The following NRDE2 variants were observed in gnomAD, a reference collection of about 807,000 sequenced individuals.
The protein encoded by NRDE2 is nuclear exosome regulator NRDE2.
A neutral mutation model predicts 124.2 loss-of-function variants in NRDE2; 76 were observed. The ratio of observed to expected loss-of-function variants is 0.61; its 90% CI spans 0.51 to 0.74. The LOEUF is 0.74. Among genes scored for constraint, NRDE2 ranks in the 30% least tolerant of loss-of-function variants. The pLI is 0.00. For missense variants in NRDE2, 1,314 were observed against 1,417.3 expected (o/e 0.93, Z 1.17); for synonymous variants, 489 against 528.1 (o/e 0.93, Z 1.01).
Position 90,288,897 on chromosome 14 carries a change from G to C in NRDE2, c.2478C>G (p.Leu826=), listed in dbSNP as rs1052101167. 1 of 1,613,956 alleles carries C rather than the reference G, an allele frequency of 6.2e-7. No individual in the cohort carries two copies. The highest frequency in any genetic ancestry group is 1.3e-5 in the African/African-American group (1 of 74,942). Residue 826 remains leucine (L), a synonymous_variant, in exon 11 of 14, where the codon CTC becomes CTG. Coordinates refer to ENST00000354366, the MANE Select transcript of NRDE2 (RefSeq NM_017970.4). ...KDSDLCELSL[L]YAELEVELSP... ...ACAGCTCCACCTCCAGCTCAGCATA[G>C]AGCAGACTGAGCTCACAGAGGTCAG... is the stretch of plus-strand genomic sequence containing the variant.
In NRDE2 at chr14:90,288,651, T is replaced by C; in HGVS notation, c.2724A>G (p.Lys908=). The C allele has an allele frequency of 6.2e-7, 1 of 1,614,150 alleles. No individual in the cohort carries two copies. The change falls in exon 11 of 14, where the codon AAA becomes AAG. Residue 908 remains lysine (K), a synonymous_variant. Transcript: ENST00000354366. ...TCAAATACTGGAAGAGCATGAAGCA[T>C]TTAGCCAGGCTAATTAGGCGGCTAC... ...DSCSRLISLA[K]CFMLFQYLTI...
rs1267652275 is a variant in NRDE2, at chr14:90,271,814, T to C, written c.*6522A>G. 1 of 153,276 alleles carries C rather than the reference T, an allele frequency of 6.5e-6. No homozygotes were observed. Among genetic ancestry groups the C allele is most frequent in the Non-Finnish European group, 1.5e-5 (1 of 68,790 alleles). 9.5% of individuals were successfully genotyped at this position (153,276 alleles called of 1,614,324 possible). On this transcript the variant is annotated 3_prime_UTR_variant, in exon 14 of 14. Transcript: ENST00000354366. ...TTCAGAAAATAGGATGCTTAAAACA[T>C]TTTTTTTAAAAATCAAATCTTTCCC...
rs746645768 is a variant in NRDE2, at chr14:90,275,379, C to T, written c.*2957G>A. 6.6e-6 allele frequency: 1 copy of T among 152,098 alleles called. No homozygotes were observed. The highest frequency in any genetic ancestry group is 2.4e-5 in the African/African-American group (1 of 41,416). 9.4% of individuals were successfully genotyped at this position (152,098 alleles called of 1,614,324 possible). ...GTTCAGGAAACAAAATTCTTTGTAA[C>T]GCACTTGCATCTTTTCCTAAGTTTG... On this transcript the variant is annotated 3_prime_UTR_variant, in exon 14 of 14. Coordinates refer to ENST00000354366, the MANE Select transcript of NRDE2 (RefSeq NM_017970.4).
chr14:90,316,578 T>G lies in NRDE2; in HGVS notation c.407A>C (p.Asn136Thr), dbSNP rs1469874980. The change falls in exon 3 of 14, where the codon AAT (asparagine) becomes ACT (threonine). Residue 136 changes from asparagine (N) to threonine (T), a missense_variant and splice_region_variant. By Grantham distance (65) the Asn-to-Thr change is moderately conservative. Transcript: ENST00000354366. ...GGSKKESEEPNQGNNAAADTG... is the reference protein window; with the variant it reads ...GGSKKESEEPTQGNNAAADTG... ...TAGGTGCTTGAGAACAGCAACCTAC[T>G]TCGGTTCCTCAGATTCCTTTTTACT... 1 of 1,604,684 alleles carries G rather than the reference T, an allele frequency of 6.2e-7. No homozygotes were observed. Among genetic ancestry groups the G allele is most frequent in the South Asian group, 1.1e-5 (1 of 89,766 alleles).
chr14:90,310,303 C>T (rs1201655300), intron 4 of NRDE2, among the ~76,000 whole-genome samples: 1 of 152,160 alleles, frequency 6.6e-6, no homozygotes, highest in Non-Finnish European at 1.5e-5. Context: ...GTCAAAGACA[C>T]GCGGGTTCAA....
At chr14:90,315,404 A>G (rs1464139527) in intron 3 of NRDE2, among the ~76,000 whole-genome samples, 1 of 152,052 alleles carries the variant, frequency 6.6e-6, no homozygotes, top group Non-Finnish European at 1.5e-5. Flanking sequence ...AAGAGTTGCA[A>G]AAACCTCAAC....
chr14:90,289,250 T>A, intron 10 of NRDE2, 105 bp from the exon 11 acceptor site: 1 of 889,468 alleles, frequency 1.1e-6, no homozygotes, highest in Non-Finnish European at 1.8e-6. Flanking sequence ...CTACGCTTCC[T>A]CCCTTTATCA....
At chr14:90,320,364 C>T (rs1009715660) in intron 1 of NRDE2, among the ~76,000 whole-genome samples, 39 of 152,298 alleles carry the variant, frequency 2.6e-4, no homozygotes, top group African/African-American at 9.1e-4. Context: ...GGGGGAAGAG[C>T]CCCTTATAAA....
At chr14:90,327,456 G>A (rs1176026071) in intron 1 of NRDE2, among the ~76,000 whole-genome samples, 2 of 152,128 alleles carry the variant, frequency 1.3e-5, no homozygotes, top group Non-Finnish European at 2.9e-5. Flanking sequence ...GGCTGAGACA[G>A]GCGGACTGCT....
chr14:90,325,459 G>A (rs1487962319), intron 1 of NRDE2, among the ~76,000 whole-genome samples: 1 of 152,162 alleles, frequency 6.6e-6, no homozygotes, highest in African/African-American at 2.4e-5. Context: ...CTGAAAGAAT[G>A]AATTTTACTA....
rs1176793346 is a variant in NRDE2, at chr14:90,274,100, G to C, written c.*4236C>G. On this transcript the variant is annotated 3_prime_UTR_variant, in exon 14 of 14. Coordinates refer to ENST00000354366, the MANE Select transcript of NRDE2 (RefSeq NM_017970.4). ...CCTACCACAGAGGACATCCACACGT[G>C]GGGGTGGCCCAGTGCAGGGTAAGGA... 3 of 149,504 alleles carry C rather than the reference G, an allele frequency of 2.0e-5. No homozygotes were observed. The highest frequency in any genetic ancestry group is 1.0e-3 in the Middle Eastern group (2 of 1,952). 9.3% of individuals were successfully genotyped at this position (149,504 alleles called of 1,614,324 possible).
chr14:90,281,046 C>G (rs1875812378), intron 12 of NRDE2: 1 of 152,168 alleles, frequency 6.6e-6, no homozygotes, highest in African/African-American at 2.4e-5. Flanking sequence ...CAGAGGGAAG[C>G]AGGAATGGAG....
chr14:90,319,980 T>C (rs1435989581), intron 1 of NRDE2, among the ~76,000 whole-genome samples: 1 of 152,236 alleles, frequency 6.6e-6, no homozygotes, highest in Non-Finnish European at 1.5e-5. Context: ...ATATCCTTTT[T>C]TGTCATATTA....
intron 1 of NRDE2, among the ~76,000 whole-genome samples, chr14:90,324,580 G>A (rs960553661): frequency 6.6e-6 from 1 of 151,738 alleles, no homozygotes; most frequent in Non-Finnish European, 1.5e-5. Context: ...GGAGGCTGAG[G>A]GAGGAGAATC....
intron 11 of NRDE2, 90 bp downstream of exon 11, chr14:90,288,127 T>C (rs1031287883): frequency 9.8e-6 from 12 of 1,226,382 alleles, no homozygotes; most frequent in African/African-American, 4.5e-5. Flanking sequence ...TGTTCATCCC[T>C]GTCTTCCTGA....
At chr14:90,295,633 T>C (rs1566688624) in intron 8 of NRDE2, among the ~76,000 whole-genome samples, 5 of 152,108 alleles carry the variant, frequency 3.3e-5, no homozygotes, top group Non-Finnish European at 5.9e-5. Flanking sequence ...TAACAGAAAG[T>C]GAGGGCAAGA....
intron 12 of NRDE2, among the ~76,000 whole-genome samples, chr14:90,284,053 T>C (rs1376548677): frequency 6.6e-6 from 1 of 152,082 alleles, no homozygotes; most frequent in African/African-American, 2.4e-5. Flanking sequence ...CCCAAGAATG[T>C]GCCCATTATT....
In NRDE2 at chr14:90,274,831, CACACACA is replaced by C. The variant is rs748761878; in HGVS notation, c.*3498_*3504del. The stretch of plus-strand genomic sequence containing the variant: ...ACACACACACACACACACACACACA[CACACACA>C]CCCCAATACATATGAATTGATCTGA... On this transcript the variant is annotated 3_prime_UTR_variant, in exon 14 of 14. Transcript: ENST00000354366. 5,082 of 94,322 alleles carry C rather than the reference CACACACA, an allele frequency of 0.054. 113 individuals carry two copies. The highest frequency in any genetic ancestry group is 0.099 in the Middle Eastern group (19 of 192). 5.8% of individuals were successfully genotyped at this position (94,322 alleles called of 1,614,324 possible). A position where few individuals can be genotyped will look rare whatever the true frequency, so the allele number is the denominator to read the frequency against.
intron 4 of NRDE2, among the ~76,000 whole-genome samples, chr14:90,305,816 T>C (rs1474953865): frequency 6.6e-6 from 1 of 152,254 alleles, no homozygotes; most frequent in African/African-American, 2.4e-5. Context: ...AGGAAACTTC[T>C]GGCGGTCAGA....
Sources: gnomAD v4.1 joint callset for allele counts (sites outside exome capture counted in the v4.1 genomes callset) on GRCh38, gnomAD v4.1.1 for gene constraint, MANE v1.5 for transcripts, NCBI Gene and HGNC (gene_info 2026-07-23, HGNC 2026-07-21) for gene names.